Variants in NPR2 observed in about 807,000 individuals in gnomAD.
The protein encoded by NPR2 is atrial natriuretic peptide receptor 2.
In NPR2, 49 loss-of-function variants were observed where a neutral mutation model predicts 120.7. That is an observed-to-expected ratio of 0.41 (90% confidence interval 0.32 to 0.52). NPR2 has a LOEUF of 0.52. Among genes scored for constraint, NPR2 ranks in the 20% least tolerant of loss-of-function variants. The pLI is 0.36. For missense variants in NPR2, 931 were observed against 1,362.9 expected (o/e 0.68, Z 4.99); for synonymous variants, 484 against 519.8 (o/e 0.93, Z 0.94).
In NPR2 at chr9:35,801,218, G is replaced by T. The variant is rs1828143515; in HGVS notation, c.1436+64G>T. ...CATTGCCACACAACCTCTGGCTGAAGCCAGGTGGTCCCTATAATGTGGGAT... is the reference window on the plus strand; with the variant it reads ...CATTGCCACACAACCTCTGGCTGAATCCAGGTGGTCCCTATAATGTGGGAT... On this transcript the variant is annotated intron_variant, in intron 7 of 21. Transcript: ENST00000342694. The T allele has an allele frequency of 2.4e-6, 3 of 1,249,912 alleles. No individual in the cohort carries two copies. The African/African-American group carries it at 4.4e-5, about 18-fold the overall frequency. The allele number at this position is 1,249,912 out of a possible 1,614,324, so 77.4% of individuals were successfully genotyped here. A position where few individuals can be genotyped will look rare whatever the true frequency, so the allele number is the denominator to read the frequency against.
In NPR2 at chr9:35,800,534, T is replaced by G; in HGVS notation, c.1218+51T>G. On this transcript the variant is annotated intron_variant, in intron 5 of 21. Coordinates refer to ENST00000342694, the MANE Select transcript of NPR2 (RefSeq NM_003995.4). This position sits in a 1 kb window ranked among gnomAD's most constrained non-coding sequence, Gnocchi z 4.7. ...GAGTGTGGCCCTGCAAAATCCAGCT[T>G]TCAAGGGTTCAGTCGGGGCAGAACC... The G allele has an allele frequency of 6.3e-7, 1 of 1,583,436 alleles. No individual in the cohort carries two copies.
At chr9:35,793,131 A>G in intron 1 of NPR2, 56 bp downstream of exon 1, 2 of 1,501,480 alleles carry the variant, frequency 1.3e-6, no homozygotes, top group Non-Finnish European at 1.8e-6. Flanking sequence ...TGTGTCCCTA[A>G]AGCTCAGCAC....
In NPR2 at chr9:35,807,000, C is replaced by T. The variant is rs752559154; in HGVS notation, c.2520-23C>T. 18 of 1,613,666 alleles carry T rather than the reference C, an allele frequency of 1.1e-5. No homozygotes were observed. The highest frequency in any genetic ancestry group is 1.5e-5 in the Non-Finnish European group (18 of 1,179,726). ...ACTCCTGCTCTCTTGGAGTTTGGCT[C>T]ATACGGCACCCTTGCTTCCTAGTTC... On this transcript the variant is annotated intron_variant, in intron 16 of 21. Transcript: ENST00000342694. The surrounding 1 kb of genome is among the most constrained non-coding windows in gnomAD (Gnocchi z 4.6).
In NPR2 at chr9:35,808,713, C is replaced by T. The variant is rs1320990730; in HGVS notation, c.2887+30C>T. 4.3e-6 allele frequency: 7 copies of T among 1,612,512 alleles called. No individual in the cohort carries two copies. Among genetic ancestry groups the T allele is most frequent in the African/African-American group, 4.0e-5 (3 of 74,898 alleles). ...GGCTGACTCTCACTCCAGCCCTAGT[C>T]TCCACCTTTCCCAGACTCTCCCAAC... On this transcript the variant is annotated intron_variant, in intron 19 of 21. Transcript: ENST00000342694. This position sits in a 1 kb window ranked among gnomAD's most constrained non-coding sequence, Gnocchi z 4.0.
chr9:35,800,282 C>A lies in NPR2; in HGVS notation c.1124-107C>A. On this transcript the variant is annotated intron_variant, in intron 4 of 21. Transcript: ENST00000342694. This position sits in a 1 kb window ranked among gnomAD's most constrained non-coding sequence, Gnocchi z 4.7. ...TTAGTGAATATGGCAGAGTTGCCCA[C>A]ACCTCAAGATCGGGGAAGGGTAGAC... 1 of 1,400,542 alleles carries A rather than the reference C, an allele frequency of 7.1e-7. No homozygotes were observed. The highest frequency in any genetic ancestry group is 1.0e-6 in the Non-Finnish European group (1 of 985,322). 86.8% of individuals were successfully genotyped at this position (1,400,542 alleles called of 1,614,324 possible). A position where few individuals can be genotyped will look rare whatever the true frequency, so the allele number is the denominator to read the frequency against.
At chr9:35,807,421 A>AT in intron 18 of NPR2, 23 bp downstream of exon 18, 1 of 1,548,548 alleles carries the variant, frequency 6.5e-7, no homozygotes, top group Non-Finnish European at 8.9e-7. Flanking sequence ...GCCGCTGTTC[A>AT]ATAGAAGACC....
chr9:35,808,355 C>A lies in NPR2; in HGVS notation c.2713-154C>A, dbSNP rs767212404. ...AGATTCCCTAGACATCTCCTCTCCC[C>A]TAGACTCAGGACCATGGCACTTATT... is the stretch of plus-strand genomic sequence containing the variant. On this transcript the variant is annotated intron_variant, in intron 18 of 21. Coordinates refer to ENST00000342694, the MANE Select transcript of NPR2 (RefSeq NM_003995.4). This position sits in a 1 kb window ranked among gnomAD's most constrained non-coding sequence, Gnocchi z 4.0. 2 of 1,451,034 alleles carry A rather than the reference C, an allele frequency of 1.4e-6. No individual in the cohort carries two copies. Among genetic ancestry groups the A allele is most frequent in the East Asian group, 4.5e-5 (2 of 44,016 alleles). The allele number at this position is 1,451,034 out of a possible 1,614,324, so 89.9% of individuals were successfully genotyped here. A position where few individuals can be genotyped will look rare whatever the true frequency, so the allele number is the denominator to read the frequency against.
intron 7 of NPR2, 31 bp from the exon 8 acceptor site, chr9:35,801,611 TG>T (rs746146757): frequency 9.9e-6 from 16 of 1,614,056 alleles, no homozygotes; most frequent in Non-Finnish European, 1.4e-5. Context: ...GGATTCGGCT[TG>T]CCAGTCAACT....
rs181826670 is a variant in NPR2 at position 35,800,998 on chromosome 9, A to C, written c.1352-72A>C. 7.7e-4 allele frequency: 1,166 copies of C among 1,515,324 alleles called. 8 individuals are homozygous for C. The East Asian group carries it at 0.013, about 17-fold the overall frequency. 93.9% of individuals were successfully genotyped at this position (1,515,324 alleles called of 1,614,324 possible). On this transcript the variant is annotated intron_variant, in intron 6 of 21. Transcript: ENST00000342694. This position sits in a 1 kb window ranked among gnomAD's most constrained non-coding sequence, Gnocchi z 4.7. ...CTACTCCCAAGGAGTCTGTCTATGCACCTATGCACCCCGTTCTCCATTCTG... is the reference window on the plus strand; with the variant it reads ...CTACTCCCAAGGAGTCTGTCTATGCCCCTATGCACCCCGTTCTCCATTCTG...
In NPR2 at chr9:35,808,457, C is replaced by G; in HGVS notation, c.2713-52C>G. On this transcript the variant is annotated intron_variant, in intron 18 of 21. Coordinates refer to ENST00000342694, the MANE Select transcript of NPR2 (RefSeq NM_003995.4). The surrounding 1 kb of genome is among the most constrained non-coding windows in gnomAD (Gnocchi z 4.0). ...CAAGCTTGTCTCCCTCTACTTTTTC[C>G]CATCCCCATGGATATAAATAGAGGT... is the stretch of plus-strand genomic sequence containing the variant. The G allele has an allele frequency of 6.3e-7, 1 of 1,588,330 alleles. No individual in the cohort carries two copies. Among genetic ancestry groups the G allele is most frequent in the Non-Finnish European group, 8.6e-7 (1 of 1,157,470 alleles).
intron 2 of NPR2, among the ~76,000 whole-genome samples, chr9:35,799,064 T>C (rs570621081): frequency 6.6e-6 from 1 of 152,326 alleles, no homozygotes; most frequent in Non-Finnish European, 1.5e-5. Context: ...TCAGTTGTCA[T>C]AGGGCCTGAA....
Position 35,808,656 on chromosome 9 carries a change from C to T in NPR2, c.2860C>T (p.Leu954=), listed in dbSNP as rs1032976310. The change falls in exon 19 of 22, where the codon CTG becomes TTG. Residue 954 remains leucine (L), a synonymous_variant. Transcript: ENST00000342694. The surrounding 1 kb of genome is among the most constrained non-coding windows in gnomAD (Gnocchi z 4.0). The stretch of plus-strand genomic sequence containing the variant: ...CATCCGCCACCGACCCCATGACCAG[C>T]TGAGGCTACGCATAGGGGTCCATAC... ...FRIRHRPHDQ[L]RLRIGVHTGP... is the part of the protein sequence containing the mutation. 3 of 1,614,042 alleles carry T rather than the reference C, an allele frequency of 1.9e-6. No homozygotes were observed. In the African/African-American group the frequency reaches 4.0e-5, roughly 22 times the overall value.
In NPR2 at chr9:35,802,767, G is replaced by A. The variant is rs1317105292; in HGVS notation, c.1851G>A (p.Trp617Ter). The A allele has an allele frequency of 6.2e-7, 1 of 1,613,144 alleles. No individual in the cohort carries two copies. The change falls in exon 12 of 22, where the codon TGG becomes TGA. Residue 617 changes from tryptophan to a stop codon, truncating the protein, a stop_gained. Transcript: ENST00000342694. LOFTEE classifies it high-confidence loss of function. This position sits in a 1 kb window ranked among gnomAD's most constrained non-coding sequence, Gnocchi z 4.2. ...ILENDSINLD[W>*]MFRYSLINDL... The stretch of plus-strand genomic sequence containing the variant: ...AAAATGACAGCATCAACTTGGACTG[G>A]ATGTTTCGTTATTCACTCATTAATG...
chr9:35,792,833 C>T lies in NPR2; in HGVS notation c.425C>T (p.Thr142Ile). ...GACCATTATCGTACCCTGGTTCGCA[C>T]TGGCCCCTCTGCTCCCAAGCTGGGT... is the stretch of plus-strand genomic sequence containing the variant. Reference protein sequence around the residue: ...KNDHYRTLVRTGPSAPKLGEF... With the variant: ...KNDHYRTLVRIGPSAPKLGEF... The change falls in exon 1 of 22, where the codon ACT becomes ATT. Residue 142 changes from threonine (T) to isoleucine (I), a missense_variant. By Grantham distance (89) the Thr-to-Ile change is moderately conservative. Around this residue, in one of 3 missense-constraint regions of NPR2, gnomAD observed 681 missense variants for 974.3 expected, o/e 0.70. Transcript: ENST00000342694. 6.2e-7 allele frequency: 1 copy of T among 1,614,240 alleles called. No homozygotes were observed. The highest frequency in any genetic ancestry group is 8.5e-7 in the Non-Finnish European group (1 of 1,180,044).
At chr9:35,795,727 T>C (rs1288880466) in intron 2 of NPR2, among the ~76,000 whole-genome samples, 1 of 152,240 alleles carries the variant, frequency 6.6e-6, no homozygotes, top group African/African-American at 2.4e-5. Flanking sequence ...AATGCTTCCA[T>C]ATTCTTTAAG....
intron 2 of NPR2, 41 bp from the exon 3 acceptor site, chr9:35,799,577 C>A: frequency 7.1e-7 from 1 of 1,413,058 alleles, no homozygotes; most frequent in Non-Finnish European, 1.0e-6. Context: ...TAATGCCTAT[C>A]TTGAATCCTG....
chr9:35,794,171 G>T, intron 2 of NPR2, 68 bp downstream of exon 2: 2 of 1,451,724 alleles, frequency 1.4e-6, no homozygotes, highest in East Asian at 2.4e-5. Context: ...TCTCTCACAA[G>T]ACCCTAAAGA....
intron 2 of NPR2, among the ~76,000 whole-genome samples, chr9:35,794,999 A>G (rs1215114646): frequency 6.6e-6 from 1 of 152,176 alleles, no homozygotes; most frequent in Non-Finnish European, 1.5e-5. Flanking sequence ...AAAGAAACGC[A>G]TTTCAGATTT....
chr9:35,803,915 C>T (rs1334732025), intron 12 of NPR2, among the ~76,000 whole-genome samples: 1 of 152,194 alleles, frequency 6.6e-6, no homozygotes, highest in Non-Finnish European at 1.5e-5. Context: ...AGACACGACT[C>T]TTGAGAGAAC....
Sources: gnomAD v4.1 joint callset for allele counts (sites outside exome capture counted in the v4.1 genomes callset) on GRCh38, gnomAD v4.1.1 for gene constraint, gnomAD v4.1.1 regional missense constraint, Gnocchi (gnomAD v3.1) non-coding constraint, MANE v1.5 for transcripts, NCBI Gene and HGNC (gene_info 2026-07-23, HGNC 2026-07-21) for gene names.